Variants in TBL1XR1 observed in about 807,000 individuals in gnomAD.
TBL1XR1 encodes F-box-like/WD repeat-containing protein TBL1XR1.
Under a neutral mutation model 66.9 loss-of-function variants are expected in TBL1XR1, and 5 were observed. That is an observed-to-expected ratio of 0.07 (90% confidence interval 0.04 to 0.16). The LOEUF is 0.16. Ranked by LOEUF, TBL1XR1 falls within the 10% of genes least tolerant of loss-of-function variation. The pLI, the probability that TBL1XR1 is intolerant of heterozygous loss-of-function variation, is 1.00. For missense variants in TBL1XR1, 238 were observed against 623.2 expected, an observed-to-expected ratio of 0.38 and a Z score of 6.58; for synonymous variants, 210 against 206.0, an observed-to-expected ratio of 1.02 and a Z score of -0.17.
At chr3:177,068,778 A>T (rs1719489889) in intron 2 of TBL1XR1, among the ~76,000 whole-genome samples, 1 of 152,178 alleles carries the variant, frequency 6.6e-6, no homozygotes, top group South Asian at 2.1e-4. Flanking sequence ...TTAAATCTAG[A>T]TGACTGAAAA....
At chr3:177,095,706 C>T (rs1723392326) in intron 2 of TBL1XR1, among the ~76,000 whole-genome samples, 1 of 152,086 alleles carries the variant, frequency 6.6e-6, no homozygotes. Flanking sequence ...TCTCGAATTC[C>T]TGATCTCACA....
chr3:177,173,784 G>GT (rs1733840205), intron 1 of TBL1XR1, among the ~76,000 whole-genome samples: 1 of 152,170 alleles, frequency 6.6e-6, no homozygotes, highest in Non-Finnish European at 1.5e-5. Flanking sequence ...AGGTAAGACT[G>GT]TAATACTGAG....
At chr3:177,149,712 T>C (rs910690550) in intron 1 of TBL1XR1, among the ~76,000 whole-genome samples, 2 of 152,092 alleles carry the variant, frequency 1.3e-5, no homozygotes, top group Admixed American at 6.6e-5. Context: ...TTCTAAATGG[T>C]TGGGGGGGCC....
At chr3:177,095,495 AT>A (rs75499027) in intron 2 of TBL1XR1, among the ~76,000 whole-genome samples, 5,525 of 70,422 alleles carry the variant, frequency 0.078, 333 homozygotes, top group African/African-American at 0.2. Flanking sequence ...GTGCAATTAG[AT>A]TTTTTTTTTT....
rs1712218618 is a variant in TBL1XR1 at position 177,020,534 on chromosome 3, C to T, written c.*4964G>A. 6.6e-6 allele frequency: 1 copy of T among 152,034 alleles called. No homozygotes were observed. The highest frequency in any genetic ancestry group is 2.1e-4 in the South Asian group (1 of 4,822). 9.4% of individuals were successfully genotyped at this position (152,034 alleles called of 1,614,324 possible). A position where few individuals can be genotyped will look rare whatever the true frequency, so the allele number is the denominator to read the frequency against. On this transcript the variant is annotated 3_prime_UTR_variant, in exon 16 of 16. Transcript: ENST00000457928. ...TTGGGTTCTGATGGCAGTTATTAAT[C>T]AGTAACACCAGTATGGGAGAGAATG...
intron 1 of TBL1XR1, among the ~76,000 whole-genome samples, chr3:177,170,739 GGAA>G (rs1174842614): frequency 6.6e-6 from 1 of 151,980 alleles, no homozygotes; most frequent in Non-Finnish European, 1.5e-5. Context: ...CAAGTACCTG[GGAA>G]TACAGGCATG....
chr3:177,144,241 C>A (rs540910185), intron 1 of TBL1XR1, among the ~76,000 whole-genome samples: 1 of 151,058 alleles, frequency 6.6e-6, no homozygotes, highest in South Asian at 2.1e-4. Context: ...AGCAAAACTC[C>A]GTCTCAAAAA....
intron 6 of TBL1XR1, 150 bp from the exon 7 acceptor site, chr3:177,050,288 G>A: frequency 7.9e-7 from 1 of 1,265,498 alleles, no homozygotes; most frequent in Non-Finnish European, 1.1e-6. Context: ...TACACGTTGG[G>A]ACCCCCAAGC....
chr3:177,159,336 T>C (rs747838442), intron 1 of TBL1XR1, among the ~76,000 whole-genome samples: 8 of 152,174 alleles, frequency 5.3e-5, no homozygotes, highest in Non-Finnish European at 7.3e-5. Flanking sequence ...TTACCACTTA[T>C]ACCACAACTG....
chr3:177,037,487 T>G (rs1714959691), intron 12 of TBL1XR1: 1 of 148,602 alleles, frequency 6.7e-6, no homozygotes, highest in African/African-American at 2.5e-5. Context: ...AAAAGCAGAC[T>G]GCCACCCTCC....
At chr3:177,150,013 G>A (rs1373761895) in intron 1 of TBL1XR1, among the ~76,000 whole-genome samples, 1 of 152,148 alleles carries the variant, frequency 6.6e-6, no homozygotes, top group African/African-American at 2.4e-5. Context: ...TCTACTTTGA[G>A]AACATGCCAT....
intron 1 of TBL1XR1, among the ~76,000 whole-genome samples, chr3:177,130,144 CAAA>C (rs779815590): frequency 2.2e-5 from 2 of 89,180 alleles, no homozygotes; most frequent in Non-Finnish European, 2.1e-5. Flanking sequence ...GACTCCATCT[CAAA>C]AAAAAAAAAA....
intron 9 of TBL1XR1, among the ~76,000 whole-genome samples, chr3:177,046,643 G>A (rs1053156488): frequency 6.6e-6 from 1 of 152,168 alleles, no homozygotes; most frequent in Admixed American, 6.5e-5. Context: ...CTAAAGTATT[G>A]TCTAGTGGCG....
chr3:177,182,571 G>C (rs9840239), intron 1 of TBL1XR1, among the ~76,000 whole-genome samples: 4,828 of 152,250 alleles, frequency 0.032, 257 homozygotes, highest in African/African-American at 0.11. Flanking sequence ...ACAATGGAAA[G>C]GCTAAAGAGT....
chr3:177,104,518 A>C (rs1045076227), intron 1 of TBL1XR1, among the ~76,000 whole-genome samples: 1 of 152,206 alleles, frequency 6.6e-6, no homozygotes. Flanking sequence ...AAGGCAGGTG[A>C]AAAGCAGAAG....
intron 4 of TBL1XR1, among the ~76,000 whole-genome samples, chr3:177,053,456 G>T (rs947694382): frequency 1.3e-5 from 2 of 152,254 alleles, no homozygotes; most frequent in South Asian, 2.1e-4. Context: ...TTCAAATAAC[G>T]TGAGAATTTA....
At chr3:177,030,580 T>C (rs1713840335) in intron 14 of TBL1XR1, among the ~76,000 whole-genome samples, 1 of 152,148 alleles carries the variant, frequency 6.6e-6, no homozygotes, top group South Asian at 2.1e-4. Context: ...TATCTGTATC[T>C]ATAACATTTT....
intron 1 of TBL1XR1, among the ~76,000 whole-genome samples, chr3:177,144,309 A>C (rs944425033): frequency 6.6e-6 from 1 of 152,146 alleles, no homozygotes; most frequent in East Asian, 1.9e-4. Flanking sequence ...CTGACAAAGA[A>C]AGAGGCAGTT....
intron 1 of TBL1XR1, among the ~76,000 whole-genome samples, chr3:177,183,856 C>T (rs577843450): frequency 2.2e-4 from 33 of 152,164 alleles, no homozygotes; most frequent in Admixed American, 1.4e-3. Flanking sequence ...AATCCCAGCA[C>T]TTCGGGAGGC....
Sources: allele counts gnomAD v4.1 joint callset (sites outside exome capture counted in the v4.1 genomes callset), GRCh38; gene constraint gnomAD v4.1.1; transcripts MANE v1.5; gene names NCBI Gene and HGNC (gene_info 2026-07-23, HGNC 2026-07-21).